Variants in NGF observed in about 807,000 individuals in gnomAD.
NGF encodes nerve growth factor, also known as beta-nerve growth factor.
In NGF, 4 loss-of-function variants were observed where a neutral mutation model predicts 12.8. The ratio of observed to expected loss-of-function variants is 0.31; its 90% CI spans 0.15 to 0.72. The LOEUF (loss-of-function observed/expected upper bound fraction) is 0.72, where lower values mean the gene tolerates loss of function less well. NGF is among the 30% of genes least tolerant of loss of function. The pLI is 0.69. For missense variants in NGF, 283 were observed against 330.8 expected (o/e 0.86, Z 1.12); for synonymous variants, 140 against 130.0 (o/e 1.08, Z -0.52).
intron 1 of NGF, among the ~76,000 whole-genome samples, chr1:115,308,071 A>T (rs1350449857): frequency 1.3e-5 from 2 of 152,256 alleles, no homozygotes; most frequent in Non-Finnish European, 2.9e-5. Flanking sequence ...ATTCTCTGTC[A>T]TTAATAAAAC....
At position 115,330,716 on chromosome 1, in the gene NGF, T is replaced by G. The variant is rs561732645; in HGVS notation, c.-137+7488A>C. Among the ~76,000 whole-genome samples the G allele has an allele frequency of 8.5e-4, 87 of 102,912 alleles. 1 individual carries two copies. Among genetic ancestry groups the G allele is most frequent in the Non-Finnish European group, 3.6e-4 (13 of 36,228 alleles). The allele number at this position is 102,912 out of a possible 152,430, so 67.5% of individuals were successfully genotyped here. ...AGCTCGAGTCAGCCCTGATGGGCTG[T>G]GGACTCGGTGACTTCACTCCAAGCA... On this transcript the variant is annotated intron_variant, in intron 1 of 2. Transcript: ENST00000369512.
chr1:115,309,996 C>T (rs1330446955), intron 1 of NGF, among the ~76,000 whole-genome samples: 1 of 152,168 alleles, frequency 6.6e-6, no homozygotes, highest in Non-Finnish European at 1.5e-5. Context: ...ATTGCAAAGT[C>T]AGAAACCAAG....
chr1:115,329,733 TTTCTTTC>T (rs1654864414), intron 1 of NGF, among the ~76,000 whole-genome samples: 1 of 148,800 alleles, frequency 6.7e-6, no homozygotes. Flanking sequence ...TGTTTTCTTT[TTTCTTTC>T]TTTCTTTTTT....
intron 1 of NGF, among the ~76,000 whole-genome samples, chr1:115,322,213 G>A (rs1436389220): frequency 6.6e-6 from 1 of 152,160 alleles, no homozygotes; most frequent in Admixed American, 6.5e-5. Flanking sequence ...AGGGCCCATG[G>A]CAAAAGCTAA....
chr1:115,335,886 CTTTAA>C (rs1655097280), intron 1 of NGF, among the ~76,000 whole-genome samples: 1 of 152,170 alleles, frequency 6.6e-6, no homozygotes. Context: ...GCTCAGCACT[CTTTAA>C]AAAGTAAAGT....
chr1:115,288,588 A>G (rs1003908838), intron 2 of NGF, among the ~76,000 whole-genome samples: 1 of 152,116 alleles, frequency 6.6e-6, no homozygotes, highest in Non-Finnish European at 1.5e-5. Flanking sequence ...GCCGTGTCTC[A>G]TCCACTTGTG....
intron 1 of NGF, among the ~76,000 whole-genome samples, chr1:115,334,159 G>C (rs750902395): frequency 6.6e-6 from 1 of 152,020 alleles, no homozygotes; most frequent in Non-Finnish European, 1.5e-5. Flanking sequence ...GAAATGTCAC[G>C]TTATCAATTC....
At chr1:115,300,855 G>A (rs1255369881) in intron 1 of NGF, among the ~76,000 whole-genome samples, 1 of 152,180 alleles carries the variant, frequency 6.6e-6, no homozygotes, top group East Asian at 1.9e-4. Context: ...AACTATCTTA[G>A]TCCCACATGG....
chr1:115,288,622 A>G (rs898758572), intron 2 of NGF, among the ~76,000 whole-genome samples: 6 of 152,082 alleles, frequency 3.9e-5, no homozygotes, highest in African/African-American at 1.4e-4. Context: ...CATCCCTTGT[A>G]TTCCACAGCA....
intron 2 of NGF, 128 bp from the exon 3 acceptor site, chr1:115,286,935 C>T (rs1653530318): frequency 8.6e-7 from 1 of 1,166,450 alleles, no homozygotes; most frequent in African/African-American, 1.5e-5. Flanking sequence ...CGGGGCACTT[C>T]TGAGAGGGAA....
At chr1:115,288,664 G>A (rs959569814) in intron 2 of NGF, among the ~76,000 whole-genome samples, 1 of 152,148 alleles carries the variant, frequency 6.6e-6, no homozygotes, top group Non-Finnish European at 1.5e-5. Context: ...CTCTCCTAGG[G>A]TTGTGGATAA....
rs1557950737 is a variant in NGF, at chr1:115,337,262, TTTTTG to T, written c.-137+937_-137+941del. 5.9e-4 allele frequency among the ~76,000 whole-genome samples: 47 copies of T among 79,296 alleles called. 1 individual carries two copies. The highest frequency in any genetic ancestry group is 2.8e-3 in the African/African-American group (41 of 14,738). 52.0% of individuals were successfully genotyped at this position (79,296 alleles called of 152,430 possible). ...GAATCTCGAAATTTTTTTTGTTTTG[TTTTTG>T]TTTTTTTTTTTTTTTTTTTTTTTTT... On this transcript the variant is annotated intron_variant, in intron 1 of 2. Transcript: ENST00000369512.
At chr1:115,310,252 T>C (rs1654303592) in intron 1 of NGF, among the ~76,000 whole-genome samples, 2 of 152,246 alleles carry the variant, frequency 1.3e-5, no homozygotes, top group Admixed American at 1.3e-4. Context: ...ACAGTTGTAT[T>C]GAGTGCTAGA....
chr1:115,291,181 T>A lies in NGF; in HGVS notation c.-13+2446A>T, dbSNP rs187272769. Among the ~76,000 whole-genome samples the A allele has an allele frequency of 8.8e-4, 134 of 152,274 alleles. 4 individuals carry two copies. The East Asian group carries it at 0.023, about 26-fold the overall frequency. Reference sequence around the variant, plus strand: ...TTAGATTTTAGGTTTAAAGTTTTTTTAAAAAAATATTTAATTTACTCATGA... The same window carrying A: ...TTAGATTTTAGGTTTAAAGTTTTTTAAAAAAAATATTTAATTTACTCATGA... On this transcript the variant is annotated intron_variant, in intron 2 of 2. Coordinates refer to ENST00000369512, the MANE Select transcript of NGF (RefSeq NM_002506.3).
intron 1 of NGF, among the ~76,000 whole-genome samples, chr1:115,304,508 T>C (rs1654142834): frequency 1.3e-5 from 2 of 151,792 alleles, no homozygotes; most frequent in African/African-American, 4.8e-5. Flanking sequence ...TTATGTACCT[T>C]CGTCCTCCAA....
At chr1:115,333,678 TTTCTTTCTTTCTTTCTTTC>T (rs1304411778) in intron 1 of NGF, among the ~76,000 whole-genome samples, 3 of 70,812 alleles carry the variant, frequency 4.2e-5, no homozygotes, top group African/African-American at 3.2e-4. Context: ...TCTTTCTTTC[TTTCTTTCTTTCTTTCTTTC>T]TTTCTTTCTT....
At chr1:115,293,444 A>AGAT (rs1330910543) in intron 2 of NGF, among the ~76,000 whole-genome samples, 183 bp downstream of exon 2, 3 of 152,200 alleles carry the variant, frequency 2.0e-5, no homozygotes, top group Non-Finnish European at 4.4e-5. Flanking sequence ...CATGCACAAA[A>AGAT]GATTTCCTTT....
chr1:115,288,379 C>CA (rs1163384743), intron 2 of NGF, among the ~76,000 whole-genome samples: 6 of 151,936 alleles, frequency 3.9e-5, no homozygotes, highest in Non-Finnish European at 5.9e-5. Context: ...CGGAGGTGGG[C>CA]AAAAAACACT....
intron 1 of NGF, among the ~76,000 whole-genome samples, chr1:115,301,198 G>A (rs1183424805): frequency 1.3e-5 from 2 of 152,168 alleles, no homozygotes; most frequent in Non-Finnish European, 2.9e-5. Context: ...GACCCACAGA[G>A]AGCATCTGTC....
Sources: gnomAD v4.1 joint callset for allele counts (sites outside exome capture counted in the v4.1 genomes callset) on GRCh38, gnomAD v4.1.1 for gene constraint, MANE v1.5 for transcripts, NCBI Gene and HGNC (gene_info 2026-07-23, HGNC 2026-07-21) for gene names.